COL9A2: variants seen among roughly 807,000 people sequenced by gnomAD.
The protein encoded by COL9A2 is collagen type IX alpha 2 chain.
Under a neutral mutation model 111.6 loss-of-function variants are expected in COL9A2, and 66 were observed. The observed-to-expected ratio is 0.59, with a 90% CI of 0.48 to 0.73. COL9A2 has a LOEUF of 0.73. Among genes scored for constraint, COL9A2 ranks in the 30% least tolerant of loss-of-function variants. COL9A2 has a pLI of 0.00. For missense variants in COL9A2, 881 were observed against 954.1 expected (o/e 0.92, Z 1.01); for synonymous variants, 353 against 364.1 (o/e 0.97, Z 0.35).
chr1:40,311,692 T>C lies in COL9A2; in HGVS notation c.441A>G (p.Pro147=), dbSNP rs779631674. ...GPKGDPGPDG[P]SGPPGPPGKP... Reference sequence around the variant, plus strand: ...TCCCAGGGGGTCCTGGGGGCCCCGATGGTCCATCTGGTCCAGGGTCCCCCT... The same window carrying C: ...TCCCAGGGGGTCCTGGGGGCCCCGACGGTCCATCTGGTCCAGGGTCCCCCT... The change falls in exon 9 of 32, where the codon CCA becomes CCG. Residue 147 remains proline (P), a synonymous_variant. Coordinates refer to ENST00000372748, the MANE Select transcript of COL9A2 (RefSeq NM_001852.4). This position sits in a 1 kb window ranked among gnomAD's most constrained non-coding sequence, Gnocchi z 5.1. The C allele has an allele frequency of 1.9e-6, 3 of 1,613,980 alleles. No homozygotes were observed. Among genetic ancestry groups the C allele is most frequent in the East Asian group, 2.2e-5 (1 of 44,854 alleles).
chr1:40,310,623 T>C lies in COL9A2; in HGVS notation c.684+91A>G. ...TCCCAGCTAGACACAGGTGTCTCTT[T>C]TACAAGCTAGAGGCCTGAGCAGGGG... On this transcript the variant is annotated intron_variant, in intron 13 of 31. Coordinates refer to ENST00000372748, the MANE Select transcript of COL9A2 (RefSeq NM_001852.4). This position sits in a 1 kb window ranked among gnomAD's most constrained non-coding sequence, Gnocchi z 4.9. The C allele has an allele frequency of 8.4e-7, 1 of 1,190,878 alleles. No homozygotes were observed. Among genetic ancestry groups the C allele is most frequent in the Non-Finnish European group, 1.2e-6 (1 of 818,532 alleles). The allele number at this position is 1,190,878 out of a possible 1,614,324, so 73.8% of individuals were successfully genotyped here.
rs751520661 is a variant in COL9A2 at position 40,310,217 on chromosome 1, A to G, written c.738+47T>C. 6.2e-7 allele frequency: 1 copy of G among 1,613,118 alleles called. No individual in the cohort carries two copies. The highest frequency in any genetic ancestry group is 1.3e-5 in the African/African-American group (1 of 75,026). On this transcript the variant is annotated intron_variant, in intron 14 of 31. Coordinates refer to ENST00000372748, the MANE Select transcript of COL9A2 (RefSeq NM_001852.4). The surrounding 1 kb of genome is among the most constrained non-coding windows in gnomAD (Gnocchi z 4.9). ...GTCCTGGCTGAACTCCAGGGGCCAG[A>G]AGGCAGCTCCTGGAAGCTCTTGTAG...
At chr1:40,315,951 C>T in intron 1 of COL9A2, 2 of 347,778 alleles carry the variant, frequency 5.8e-6, no homozygotes, top group Non-Finnish European at 1.0e-5. Context: ...TGGGCGGCGG[C>T]GCCAGGAGTC....
chr1:40,303,642 G>C lies in COL9A2; in HGVS notation c.1436C>G (p.Pro479Arg). 1 of 1,587,670 alleles carries C rather than the reference G, an allele frequency of 6.3e-7. No homozygotes were observed. The part of the protein sequence containing the change: ...GVRGEPGYPG[P>R]SGDAGAPGVQ... ...CCCTGGGGCGCCCGCATCCCCGCTG[G>C]GGCCAGGGTAGCCGGGTTCTCCACG... Residue 479 changes from proline to arginine, a missense_variant, in exon 28 of 32, where the codon CCC becomes CGC. Pro to Arg is a moderately radical substitution (Grantham distance 103). Transcript: ENST00000372748. This position sits in a 1 kb window ranked among gnomAD's most constrained non-coding sequence, Gnocchi z 4.6.
In COL9A2 at chr1:40,303,072, G is replaced by A. The variant is rs192135965; in HGVS notation, c.1603+59C>T. The A allele has an allele frequency of 9.1e-6, 14 of 1,545,530 alleles. No homozygotes were observed. The highest frequency in any genetic ancestry group is 7.0e-5 in the South Asian group (6 of 86,208). On this transcript the variant is annotated intron_variant, in intron 29 of 31. Transcript: ENST00000372748. This position sits in a 1 kb window ranked among gnomAD's most constrained non-coding sequence, Gnocchi z 4.6. The stretch of plus-strand genomic sequence containing the variant: ...AGTGAACACGTGGAGGCTCCGGGAG[G>A]GGGTGAGGGGGCGGCGATGCCCTCG...
chr1:40,301,454 CTT>C, intron 31 of COL9A2, 73 bp from the exon 32 acceptor site: 1 of 1,375,604 alleles, frequency 7.3e-7, no homozygotes, highest in Non-Finnish European at 9.9e-7. Flanking sequence ...GGTGGGGAAA[CTT>C]TTCAGATGGA....
chr1:40,306,276 TCC>T, intron 19 of COL9A2, 89 bp from the exon 20 acceptor site: 2 of 1,461,068 alleles, frequency 1.4e-6, no homozygotes, highest in Non-Finnish European at 1.9e-6. Context: ...AATCCAGATT[TCC>T]CCCACCTGTG....
rs1265226951 is a variant in COL9A2, at chr1:40,317,201, T to C, written c.-4A>G. ...GGGAGGCCGTAGCGGCGGCCATGGC[T>C]GGCGGCGAGACCAAGGGGGACGGGT... On this transcript the variant is annotated 5_prime_UTR_variant, in exon 1 of 32. Coordinates refer to ENST00000372748, the MANE Select transcript of COL9A2 (RefSeq NM_001852.4). This position sits in a 1 kb window ranked among gnomAD's most constrained non-coding sequence, Gnocchi z 4.3. The C allele has an allele frequency of 2.6e-6, 4 of 1,545,676 alleles. No homozygotes were observed. The highest frequency in any genetic ancestry group is 3.5e-6 in the Non-Finnish European group (4 of 1,143,704).
At position 40,312,882 on chromosome 1, in the gene COL9A2, C is replaced by T. The variant is rs1644154778; in HGVS notation, c.250-98G>A. 20 of 1,059,476 alleles carry T rather than the reference C, an allele frequency of 1.9e-5. No homozygotes were observed. In the South Asian group the frequency reaches 2.5e-4, roughly 13 times the overall value. 65.6% of individuals were successfully genotyped at this position (1,059,476 alleles called of 1,614,324 possible). ...AGGGTCCCTCCTGGGTGGGCCGAGG[C>T]TCCTTTTTGCCACACCTCATGAAGG... is the stretch of plus-strand genomic sequence containing the variant. On this transcript the variant is annotated intron_variant, in intron 4 of 31. Transcript: ENST00000372748. This position sits in a 1 kb window ranked among gnomAD's most constrained non-coding sequence, Gnocchi z 6.0.
chr1:40,303,427 G>T lies in COL9A2; in HGVS notation c.1548+103C>A. 6.7e-7 allele frequency: 1 copy of T among 1,499,802 alleles called. No individual in the cohort carries two copies. The allele number at this position is 1,499,802 out of a possible 1,614,324, so 92.9% of individuals were successfully genotyped here. A position where few individuals can be genotyped will look rare whatever the true frequency, so the allele number is the denominator to read the frequency against. ...TCTGGGGCTTGGAACCAGTCTCGGGGAAGTCGGTGAGTCTCTGGGAATCCC... is the reference window on the plus strand; with the variant it reads ...TCTGGGGCTTGGAACCAGTCTCGGGTAAGTCGGTGAGTCTCTGGGAATCCC... On this transcript the variant is annotated intron_variant, in intron 28 of 31. Coordinates refer to ENST00000372748, the MANE Select transcript of COL9A2 (RefSeq NM_001852.4). The surrounding 1 kb of genome is among the most constrained non-coding windows in gnomAD (Gnocchi z 4.6).
At position 40,311,110 on chromosome 1, in the gene COL9A2, C is replaced by A; in HGVS notation, c.613G>T (p.Gly205Cys). The change falls in exon 12 of 32, where the codon GGC (glycine) becomes TGC (cysteine). Residue 205 changes from glycine (G) to cysteine (C), a missense_variant. Gly to Cys is a radical substitution (Grantham distance 159). Transcript: ENST00000372748. This position sits in a 1 kb window ranked among gnomAD's most constrained non-coding sequence, Gnocchi z 5.1. ...GCACTCACCGGCTTCCCCTGGTGGC[C>A]AGGATCACCCAGAATCCCGCGTTTG... ...AGKRGILGDP[G>C]HQGKPGPKGD... The A allele has an allele frequency of 1.2e-6, 2 of 1,614,160 alleles. No homozygotes were observed. Among genetic ancestry groups the A allele is most frequent in the Non-Finnish European group, 8.5e-7 (1 of 1,180,036 alleles).
rs1644185276 is a variant in COL9A2, at chr1:40,314,536, G to A, written c.151-149C>T. 1.0e-6 allele frequency: 1 copy of A among 963,670 alleles called. No homozygotes were observed. The highest frequency in any genetic ancestry group is 1.6e-5 in the African/African-American group (1 of 61,254). 59.7% of individuals were successfully genotyped at this position (963,670 alleles called of 1,614,324 possible). ...CTAAGCCTTGCAATCTTTGGGAAAAGAGCCCCCTTTTCCTCAAAAATAAAA... is the reference window on the plus strand; with the variant it reads ...CTAAGCCTTGCAATCTTTGGGAAAAAAGCCCCCTTTTCCTCAAAAATAAAA... On this transcript the variant is annotated intron_variant, in intron 2 of 31. Transcript: ENST00000372748. This position sits in a 1 kb window ranked among gnomAD's most constrained non-coding sequence, Gnocchi z 4.1.
At chr1:40,315,475 A>G in intron 2 of COL9A2, 115 bp downstream of exon 2, 1 of 1,465,500 alleles carries the variant, frequency 6.8e-7, no homozygotes, top group Non-Finnish European at 9.1e-7. Context: ...CCTATTGGCG[A>G]CGAGGGGCAC....
chr1:40,312,087 G>A lies in COL9A2; in HGVS notation c.389C>T (p.Pro130Leu). 1.2e-6 allele frequency: 2 copies of A among 1,602,682 alleles called. No homozygotes were observed. Among genetic ancestry groups the A allele is most frequent in the African/African-American group, 2.7e-5 (2 of 75,004 alleles). The change falls in exon 8 of 32, where the codon CCT becomes CTT. Residue 130 changes from proline (P) to leucine (L), a missense_variant. Transcript: ENST00000372748. This position sits in a 1 kb window ranked among gnomAD's most constrained non-coding sequence, Gnocchi z 6.0. ...PPGPPGPVGL[P>L]GEIGIRGPKG... The stretch of plus-strand genomic sequence containing the variant: ...GGGGCCTCGGATTCCAATCTCACCA[G>A]GGAGGCCAACAGGTCCAGGAGGCCC...
In COL9A2 at chr1:40,304,352, G is replaced by T; in HGVS notation, c.1255C>A (p.Pro419Thr). The part of the protein sequence containing the change: ...GEQGPPGIPG[P>T]QGLPGVKGDK... ...CCTTTGACGCCTGGCAAGCCTTGGG[G>T]CCCTGGAATTCCGGGGGGGCCCTGC... is the stretch of plus-strand genomic sequence containing the variant. Residue 419 changes from proline (P) to threonine (T), a missense_variant, in exon 24 of 32, where the codon CCC becomes ACC. Physicochemically the swap from Pro to Thr is conservative, Grantham distance 38 (BLOSUM62 -1). Transcript: ENST00000372748. 6.3e-7 allele frequency: 1 copy of T among 1,576,636 alleles called. No individual in the cohort carries two copies.
rs1470868322 is a variant in COL9A2, at chr1:40,312,763, C to A, written c.271G>T (p.Glu91Ter). 1.3e-6 allele frequency: 2 copies of A among 1,552,096 alleles called. No homozygotes were observed. Among genetic ancestry groups the A allele is most frequent in the Non-Finnish European group, 1.7e-6 (2 of 1,147,272 alleles). The stretch of plus-strand genomic sequence containing the variant: ...CCAGGGATCCCCATGGGGCCAGGCT[C>A]CCCCTTGGCTCCAGTTAAACCCTGG... ...GIDGLTGAKG[E>*]PGPMGIPGVK... Residue 91 changes from glutamate to a stop codon, truncating the protein, a stop_gained, in exon 5 of 32, where the codon GAG becomes TAG. Transcript: ENST00000372748. LOFTEE classifies it high-confidence loss of function. This position sits in a 1 kb window ranked among gnomAD's most constrained non-coding sequence, Gnocchi z 6.0.
chr1:40,303,837 G>C lies in COL9A2; in HGVS notation c.1371C>G (p.Gly457=). 6.4e-7 allele frequency: 1 copy of C among 1,557,836 alleles called. No individual in the cohort carries two copies. Among genetic ancestry groups the C allele is most frequent in the Non-Finnish European group, 8.7e-7 (1 of 1,151,738 alleles). The change falls in exon 27 of 32, where the codon GGC becomes GGG. Residue 457 remains glycine (G), a splice_region_variant and synonymous_variant. Coordinates refer to ENST00000372748, the MANE Select transcript of COL9A2 (RefSeq NM_001852.4). The surrounding 1 kb of genome is among the most constrained non-coding windows in gnomAD (Gnocchi z 4.6). ...CCTTGGGCCCCGGCTCGCCGGACTC[G>C]CCCTGCAGGCACAAGGAGCAGCGGT... ...AGLPGEKGEK[G]ESGEPGPKGQ... is the part of the protein sequence containing the mutation.
intron 24 of COL9A2, 26 bp from the exon 25 acceptor site, chr1:40,304,125 T>A (rs1444577844): frequency 3.9e-6 from 6 of 1,539,680 alleles, no homozygotes; most frequent in Non-Finnish European, 4.4e-6. Context: ...AGTGAGGGGT[T>A]TGGCGAGCTC....
At chr1:40,315,943 G>A in intron 1 of COL9A2, 1 of 359,176 alleles carries the variant, frequency 2.8e-6, no homozygotes, top group East Asian at 4.5e-5. Flanking sequence ...ACTGAGAGTG[G>A]GCGGCGGCGC....
Sources: allele counts gnomAD v4.1 joint callset, GRCh38; gene constraint gnomAD v4.1.1; non-coding constraint Gnocchi (gnomAD v3.1); transcripts MANE v1.5; gene names NCBI Gene and HGNC (gene_info 2026-07-23, HGNC 2026-07-21).